Variants in KAZN observed in about 807,000 individuals in gnomAD.
KAZN encodes the protein kazrin.
In KAZN, 40 loss-of-function variants were observed where a neutral mutation model predicts 87.4. That is an observed-to-expected ratio of 0.46 (90% CI 0.36 to 0.60). The LOEUF is 0.60. Among genes scored for constraint, KAZN ranks in the 20% least tolerant of loss-of-function variants. The pLI is 0.00. For synonymous variants in KAZN, 466 were observed against 458.3 expected (o/e 1.02, Z -0.22); for missense variants, 898 against 1,073.9 (o/e 0.84, Z 2.29).
chr1:14,123,871 T>C (rs1644803075), intron 1 of KAZN, among the ~76,000 whole-genome samples: 1 of 152,166 alleles, frequency 6.6e-6, no homozygotes, highest in South Asian at 2.1e-4. Context: ...AACCCATCCA[T>C]GCCGCCACCC....
chr1:14,947,962 C>T (rs1050405776), intron 1 of KAZN, among the ~76,000 whole-genome samples: 3 of 152,150 alleles, frequency 2.0e-5, no homozygotes, highest in African/African-American at 7.2e-5. Context: ...GTGTTTCAGT[C>T]CAGAAGGACT....
Position 14,525,948 on chromosome 1 carries a change from T to C in KAZN, c.250-73035T>C, listed in dbSNP as rs1671839248. 2.6e-5 allele frequency among the ~76,000 whole-genome samples: 4 copies of C among 152,354 alleles called. No homozygotes were observed. The South Asian group carries it at 8.3e-4, about 32-fold the overall frequency. On this transcript the variant is annotated intron_variant, in intron 2 of 16. Transcript: ENST00000636203. ...GTCTTGGGATCTCAGAGCTGTGTTA[T>C]TCACAGCAAAAGAACCCCACTTGCT...
intron 2 of KAZN, among the ~76,000 whole-genome samples, chr1:14,227,764 C>A (rs1423586257): frequency 6.6e-6 from 1 of 152,186 alleles, no homozygotes; most frequent in Non-Finnish European, 1.5e-5. Context: ...AAATTTCCAA[C>A]AAAACAGCGG....
chr1:14,591,333 C>A (rs1324815243), intron 2 of KAZN, among the ~76,000 whole-genome samples: 1 of 151,958 alleles, frequency 6.6e-6, no homozygotes, highest in Non-Finnish European at 1.5e-5. Flanking sequence ...TTGTTTTTCC[C>A]TGTCACTTAC....
rs1650551300 is a variant in KAZN at position 14,256,794 on chromosome 1, A to G, written c.249+76202A>G. Among the ~76,000 whole-genome samples, 3 of 152,142 alleles carry G rather than the reference A, an allele frequency of 2.0e-5. No individual in the cohort carries two copies. The South Asian group carries it at 6.2e-4, about 32-fold the overall frequency. ...TTAATCAATATGGCACAGGATAGTAAACCTAAATTTACTCTCCCCATGAAG... is the reference window on the plus strand; with the variant it reads ...TTAATCAATATGGCACAGGATAGTAGACCTAAATTTACTCTCCCCATGAAG... On this transcript the variant is annotated intron_variant, in intron 2 of 16. Coordinates refer to the KAZN transcript ENST00000636203.
Position 14,460,552 on chromosome 1 carries a change from C to T in KAZN, c.250-138431C>T, listed in dbSNP as rs532046042. Among the ~76,000 whole-genome samples, 9 of 152,300 alleles carry T rather than the reference C, an allele frequency of 5.9e-5. No homozygotes were observed. In the South Asian group the frequency reaches 1.7e-3, roughly 28 times the overall value. On this transcript the variant is annotated intron_variant, in intron 2 of 16. Transcript: ENST00000636203. ...CCCCAGGCATGTCTGTGAACCTGTGCCCTGATCACTCAGTAATTACTGCAG... is the reference window on the plus strand; with the variant it reads ...CCCCAGGCATGTCTGTGAACCTGTGTCCTGATCACTCAGTAATTACTGCAG...
At chr1:14,658,618 A>G (rs1427329879) in intron 1 of KAZN, among the ~76,000 whole-genome samples, 3 of 152,198 alleles carry the variant, frequency 2.0e-5, no homozygotes, top group Non-Finnish European at 4.4e-5. Flanking sequence ...GTATATATAT[A>G]TATGACAACA....
intron 2 of KAZN, among the ~76,000 whole-genome samples, chr1:14,244,683 C>T (rs940890790): frequency 2.0e-5 from 3 of 151,920 alleles, no homozygotes; most frequent in African/African-American, 7.3e-5. Context: ...GGAGGAAGAA[C>T]ATTCCAGGCA....
intron 2 of KAZN, among the ~76,000 whole-genome samples, chr1:14,309,856 C>T (rs907258098): frequency 2.0e-5 from 3 of 151,536 alleles, no homozygotes; most frequent in Non-Finnish European, 2.9e-5. Context: ...CAGGCATGAA[C>T]GACTGCACCT....
At chr1:14,746,833 A>T (rs1252496522) in intron 1 of KAZN, among the ~76,000 whole-genome samples, 1 of 152,166 alleles carries the variant, frequency 6.6e-6, no homozygotes, top group Non-Finnish European at 1.5e-5. Context: ...CAGTTATTTT[A>T]TATGTTGGTG....
At chr1:14,167,917 C>T (rs1645867463) in intron 1 of KAZN, among the ~76,000 whole-genome samples, 1 of 152,170 alleles carries the variant, frequency 6.6e-6, no homozygotes, top group Non-Finnish European at 1.5e-5. Context: ...CTGAACTGCA[C>T]TCAGCCACCA....
intron 2 of KAZN, among the ~76,000 whole-genome samples, chr1:15,000,428 A>G (rs1006851270): frequency 2.0e-5 from 3 of 151,890 alleles, no homozygotes; most frequent in Non-Finnish European, 4.4e-5. Flanking sequence ...TTGTTACAGC[A>G]ACAATAGGAT....
At position 15,071,578 on chromosome 1, in the gene KAZN, A is replaced by C. The variant is rs576509190; in HGVS notation, c.1222+5825A>C. On this transcript the variant is annotated intron_variant, in intron 8 of 14. Transcript: ENST00000376030. ...CCTGGGTATGGATATTTCATACCTGAACCACAATTGGATGATGTCTCAAAG... is the reference window on the plus strand; with the variant it reads ...CCTGGGTATGGATATTTCATACCTGCACCACAATTGGATGATGTCTCAAAG... Among the ~76,000 whole-genome samples the C allele has an allele frequency of 1.7e-4, 26 of 152,338 alleles. No individual in the cohort carries two copies. In the Middle Eastern group the frequency reaches 0.01, roughly 60 times the overall value.
chr1:14,922,856 G>A (rs1351187274), intron 1 of KAZN, among the ~76,000 whole-genome samples: 1 of 151,624 alleles, frequency 6.6e-6, no homozygotes, highest in Non-Finnish European at 1.5e-5. Context: ...AGCCTCCGCA[G>A]CTGGGCCAGT....
At chr1:14,180,670 G>T in intron 2 of KAZN, 1 of 1,204,514 alleles carries the variant, frequency 8.3e-7, no homozygotes. Flanking sequence ...GTCCAAAAAT[G>T]TTCAACTACC....
chr1:14,292,577 C>T (rs1653795098), intron 2 of KAZN, among the ~76,000 whole-genome samples: 1 of 152,210 alleles, frequency 6.6e-6, no homozygotes, highest in African/African-American at 2.4e-5. Flanking sequence ...CACCCCACTG[C>T]AGGCATCTGA....
At chr1:14,798,416 C>CTT (rs545959773) in intron 1 of KAZN, among the ~76,000 whole-genome samples, 1,575 of 88,114 alleles carry the variant, frequency 0.018, 165 homozygotes, top group African/African-American at 0.031. Flanking sequence ...TGTTTCTTTC[C>CTT]TTTTTTTTTT....
intron 2 of KAZN, among the ~76,000 whole-genome samples, chr1:14,356,630 A>G (rs1659050890): frequency 6.6e-6 from 1 of 152,302 alleles, no homozygotes; most frequent in South Asian, 2.1e-4. Flanking sequence ...GTCCAGTTTC[A>G]GTTTTCTGCA....
intron 6 of KAZN, 83 bp downstream of exon 6, chr1:15,060,385 T>C: frequency 6.4e-7 from 1 of 1,560,400 alleles, no homozygotes; most frequent in Non-Finnish European, 8.8e-7. Flanking sequence ...GAAGCCATAC[T>C]CGCTGTTTCC....
Sources: gnomAD v4.1 joint callset for allele counts (sites outside exome capture counted in the v4.1 genomes callset) on GRCh38, gnomAD v4.1.1 for gene constraint, MANE v1.5 for transcripts, NCBI Gene and HGNC (gene_info 2026-07-23, HGNC 2026-07-21) for gene names.